CNBD1: variants seen among roughly 807,000 people sequenced by gnomAD.
The protein encoded by CNBD1 is cyclic nucleotide-binding domain-containing protein 1.
A neutral mutation model predicts 54.4 loss-of-function variants in CNBD1; 71 were observed. That is an observed-to-expected ratio of 1.30 (90% CI 1.08 to 1.59). CNBD1 has a LOEUF of 1.59. Ranked by LOEUF, CNBD1 falls within the 40% of genes most tolerant of loss-of-function variation. CNBD1 has a pLI of 0.00. For missense variants in CNBD1, 659 were observed against 518.0 expected (o/e 1.27, Z -2.64); for synonymous variants, 182 against 170.7 (o/e 1.07, Z -0.51).
In CNBD1 at chr8:87,195,562, G is replaced by GT. The variant is rs550156531; in HGVS notation, c.432-10415dup. On this transcript the variant is annotated intron_variant, in intron 4 of 10. Coordinates refer to ENST00000518476, the MANE Select transcript of CNBD1 (RefSeq NM_173538.3). ...CTTTTTGATCCTCAGTTTAAATATT[G>GT]TTTTTTTTTTTTTTTTAATTTTTAT... 6.2e-3 allele frequency among the ~76,000 whole-genome samples: 814 copies of GT among 130,752 alleles called. 2 individuals carry two copies. The highest frequency in any genetic ancestry group is 0.013 in the African/African-American group (477 of 35,510). The allele number at this position is 130,752 out of a possible 152,430, so 85.8% of individuals were successfully genotyped here.
At chr8:87,152,850 C>A (rs1314088258) in intron 4 of CNBD1, among the ~76,000 whole-genome samples, 2 of 152,082 alleles carry the variant, frequency 1.3e-5, no homozygotes, top group Admixed American at 1.3e-4. Flanking sequence ...TGTAGGGGAG[C>A]CATTGTAGTT....
At chr8:87,419,739 C>A (rs1434186032) in intron 2 of CNBD1, among the ~76,000 whole-genome samples, 3 of 151,400 alleles carry the variant, frequency 2.0e-5, no homozygotes, top group African/African-American at 7.3e-5. Context: ...TAAAATATTC[C>A]CACAAATGCC....
chr8:87,394,970 T>G (rs904938038), intron 2 of CNBD1, among the ~76,000 whole-genome samples: 4 of 151,910 alleles, frequency 2.6e-5, no homozygotes, highest in African/African-American at 4.8e-5. Context: ...GTAATTGAAT[T>G]AAAGTAAAAC....
intron 10 of CNBD1, among the ~76,000 whole-genome samples, chr8:87,377,164 T>A (rs905327911): frequency 2.0e-5 from 3 of 150,744 alleles, no homozygotes; most frequent in Non-Finnish European, 4.4e-5. Context: ...TTTATATTAT[T>A]ATTATACTTT....
At chr8:87,269,882 C>T (rs1808329555) in intron 6 of CNBD1, among the ~76,000 whole-genome samples, 1 of 151,890 alleles carries the variant, frequency 6.6e-6, no homozygotes, top group Admixed American at 6.6e-5. Flanking sequence ...TCCACAAAAT[C>T]AAGGAGGAGG....
At chr8:87,095,769 T>C (rs943382675) in intron 4 of CNBD1, among the ~76,000 whole-genome samples, 1 of 152,198 alleles carries the variant, frequency 6.6e-6, no homozygotes, top group Non-Finnish European at 1.5e-5. Flanking sequence ...GCCATTCTCC[T>C]GCCTTAGCCT....
At chr8:87,302,091 C>G (rs999928325) in intron 8 of CNBD1, among the ~76,000 whole-genome samples, 1 of 152,132 alleles carries the variant, frequency 6.6e-6, no homozygotes, top group African/African-American at 2.4e-5. Flanking sequence ...CCTTCTGAAA[C>G]TATTCCAATC....
chr8:87,385,386 G>T (rs566153355), downstream of CNBD1, among the ~76,000 whole-genome samples: 2 of 152,244 alleles, frequency 1.3e-5, no homozygotes, highest in South Asian at 2.1e-4. Context: ...AGGGGTGACA[G>T]ATGGCACCTG....
chr8:87,012,159 A>G, intron 4 of CNBD1, among the ~76,000 whole-genome samples: 1 of 152,224 alleles, frequency 6.6e-6, no homozygotes, highest in East Asian at 1.9e-4. Flanking sequence ...AAGAGCCGAT[A>G]AATGAGTAGG....
chr8:86,911,944 T>C (rs1182699459), intron 3 of CNBD1, among the ~76,000 whole-genome samples: 3 of 152,044 alleles, frequency 2.0e-5, no homozygotes, highest in Non-Finnish European at 4.4e-5. Context: ...CTATAAATTT[T>C]AATGCTGATG....
At chr8:87,321,892 T>C (rs13267442) in intron 8 of CNBD1, among the ~76,000 whole-genome samples, 53,129 of 143,760 alleles carry the variant, frequency 0.37, 10,247 homozygotes, top group Middle Eastern at 0.45. Context: ...CATGCTGGTG[T>C]GCTGCACCCA....
chr8:87,036,510 C>T (rs909800526), intron 4 of CNBD1, among the ~76,000 whole-genome samples: 6 of 143,786 alleles, frequency 4.2e-5, no homozygotes, highest in African/African-American at 1.5e-4. Context: ...AGGAGAATGG[C>T]TTGAACCCAG....
intron 4 of CNBD1, among the ~76,000 whole-genome samples, chr8:86,953,862 G>C (rs1807690345): frequency 6.6e-6 from 1 of 151,522 alleles, no homozygotes; most frequent in Non-Finnish European, 1.5e-5. Flanking sequence ...GCGAGACTCT[G>C]TCTCAAAAAA....
intron 3 of CNBD1, among the ~76,000 whole-genome samples, chr8:86,931,013 T>C (rs1483088000): frequency 6.6e-6 from 1 of 152,156 alleles, no homozygotes; most frequent in Non-Finnish European, 1.5e-5. Context: ...GGGTAACTTA[T>C]TCCCCATATT....
intron 4 of CNBD1, among the ~76,000 whole-genome samples, chr8:87,096,404 A>C (rs1404528829): frequency 6.7e-6 from 1 of 149,316 alleles, no homozygotes; most frequent in Non-Finnish European, 1.5e-5. Flanking sequence ...ACCACCCCCA[A>C]CCTTATGACC....
intron 4 of CNBD1, among the ~76,000 whole-genome samples, chr8:87,116,229 T>TC (rs1811765960): frequency 7.1e-6 from 1 of 140,584 alleles, no homozygotes; most frequent in Non-Finnish European, 1.5e-5. Flanking sequence ...TGAGACAGAG[T>TC]CTTGCTTCGT....
intron 5 of CNBD1, among the ~76,000 whole-genome samples, chr8:87,217,996 C>G (rs1586336900): frequency 6.6e-6 from 1 of 151,908 alleles, no homozygotes. Context: ...GAAAAAACAC[C>G]TTCTTTTGGT....
intron 10 of CNBD1, among the ~76,000 whole-genome samples, chr8:87,375,603 T>A (rs1810911700): frequency 6.6e-6 from 1 of 151,820 alleles, no homozygotes; most frequent in African/African-American, 2.4e-5. Flanking sequence ...AGGAACCGAA[T>A]CAAGGTTATT....
intron 8 of CNBD1, among the ~76,000 whole-genome samples, chr8:87,312,507 A>G (rs1244848267): frequency 6.6e-6 from 1 of 152,064 alleles, no homozygotes; most frequent in Non-Finnish European, 1.5e-5. Flanking sequence ...TGTGAAATAT[A>G]GTGGGGTTTG....
Sources: allele counts gnomAD v4.1 joint callset (sites outside exome capture counted in the v4.1 genomes callset), GRCh38; gene constraint gnomAD v4.1.1; transcripts MANE v1.5; gene names NCBI Gene and HGNC (gene_info 2026-07-23, HGNC 2026-07-21).